The following RNLS variants were observed in gnomAD, a reference collection of about 807,000 sequenced individuals.
The protein encoded by RNLS is renalase.
RNLS carries 39 observed loss-of-function variants against 39.8 expected under a neutral mutation model. The ratio of observed to expected loss-of-function variants is 0.98; its 90% CI spans 0.76 to 1.28. The LOEUF (loss-of-function observed/expected upper bound fraction) is 1.28. Ranked by LOEUF, RNLS falls within the 50% of genes most tolerant of loss-of-function variation. RNLS has a pLI of 0.00. For synonymous variants in RNLS, 147 were observed against 150.7 expected (o/e 0.98, Z 0.18); for missense variants, 410 against 413.3 (o/e 0.99, Z 0.07).
At chr10:88,403,334 C>T (rs1253511926) in intron 4 of RNLS, among the ~76,000 whole-genome samples, 1 of 151,948 alleles carries the variant, frequency 6.6e-6, no homozygotes, top group African/African-American at 2.4e-5. Flanking sequence ...TGAACATTGG[C>T]TGGCTATTTG....
intron 4 of RNLS, among the ~76,000 whole-genome samples, chr10:88,385,917 T>G (rs1365972594): frequency 6.6e-6 from 1 of 152,228 alleles, no homozygotes; most frequent in Admixed American, 6.5e-5. Flanking sequence ...AATTATTACT[T>G]TGATGCAGAG....
intron 6 of RNLS, among the ~76,000 whole-genome samples, chr10:88,288,484 T>A (rs1843440139): frequency 6.6e-6 from 1 of 152,188 alleles, no homozygotes; most frequent in Non-Finnish European, 1.5e-5. Context: ...CATATTCATA[T>A]CTATACATAT....
At chr10:88,449,796 TA>T (rs2133889475) in intron 4 of RNLS, among the ~76,000 whole-genome samples, 1 of 152,254 alleles carries the variant, frequency 6.6e-6, no homozygotes, top group East Asian at 1.9e-4. Context: ...CAAAATATTA[TA>T]AAATAAAATA....
chr10:88,486,311 CAA>C (rs1419778954), intron 4 of RNLS, among the ~76,000 whole-genome samples: 2 of 151,988 alleles, frequency 1.3e-5, no homozygotes, highest in Non-Finnish European at 2.9e-5. Flanking sequence ...TAGGAACAGG[CAA>C]AGATTTCATG....
At chr10:88,506,455 C>T (rs1281513531) in intron 4 of RNLS, among the ~76,000 whole-genome samples, 2 of 151,808 alleles carry the variant, frequency 1.3e-5, no homozygotes, top group Admixed American at 6.6e-5. Context: ...GTGATGCATG[C>T]TGAAGTACTA....
chr10:88,450,027 CT>C lies in RNLS; in HGVS notation c.527-87303del, dbSNP rs199517663. 5.8e-3 allele frequency among the ~76,000 whole-genome samples: 870 copies of C among 150,998 alleles called. 8 individuals carry two copies. Among genetic ancestry groups the C allele is most frequent in the African/African-American group, 0.02 (813 of 41,058 alleles). On this transcript the variant is annotated intron_variant, in intron 4 of 6. Coordinates refer to ENST00000331772, the MANE Select transcript of RNLS (RefSeq NM_001031709.3). ...AGCTCTTGATTTGTAAGAGCTGGGC[CT>C]TTTGGGAGGAAAAAAAAAAAAGATC...
chr10:88,525,023 C>A (rs917244549), intron 4 of RNLS, among the ~76,000 whole-genome samples: 1 of 136,232 alleles, frequency 7.3e-6, no homozygotes, highest in African/African-American at 2.7e-5. Flanking sequence ...ACTATGTACC[C>A]ACAAAAATTA....
intron 4 of RNLS, among the ~76,000 whole-genome samples, chr10:88,493,873 A>G (rs77091615): frequency 6.6e-6 from 1 of 152,324 alleles, no homozygotes; most frequent in African/African-American, 2.4e-5. Flanking sequence ...GGGTTATAAA[A>G]ACATTCCTGA....
chr10:88,322,193 C>T (rs1243306624), intron 5 of RNLS, among the ~76,000 whole-genome samples: 2 of 152,116 alleles, frequency 1.3e-5, no homozygotes, highest in East Asian at 1.9e-4. Context: ...ATATTATTAT[C>T]TCAATAAATG....
At chr10:88,507,408 A>T (rs1367178475) in intron 4 of RNLS, among the ~76,000 whole-genome samples, 2 of 152,156 alleles carry the variant, frequency 1.3e-5, no homozygotes, top group Admixed American at 1.3e-4. Context: ...TAAACAAATC[A>T]ATAAGAAAGT....
intron 4 of RNLS, among the ~76,000 whole-genome samples, chr10:88,441,984 T>G (rs1841739052): frequency 6.6e-6 from 1 of 152,176 alleles, no homozygotes; most frequent in African/African-American, 2.4e-5. Flanking sequence ...CTATCCCCTA[T>G]GGTGATGCCC....
intron 4 of RNLS, among the ~76,000 whole-genome samples, chr10:88,500,462 GGAACACGTGATGGGGTT>G (rs1270098608): frequency 3.9e-5 from 6 of 152,100 alleles, no homozygotes; most frequent in Admixed American, 3.3e-4. Flanking sequence ...CTCTTGTTTA[GGAACACGTGATGGGGTT>G]GTGAACGTTT....
chr10:88,353,215 G>A (rs1317336499), intron 5 of RNLS, among the ~76,000 whole-genome samples: 1 of 151,358 alleles, frequency 6.6e-6, no homozygotes, highest in East Asian at 1.9e-4. Context: ...ATTTAGCTTA[G>A]CTAGCTCTGA....
At chr10:88,213,963 G>C in the RNLS span, among the ~76,000 whole-genome samples, 1 of 152,112 alleles carries the variant, frequency 6.6e-6, no homozygotes, top group Non-Finnish European at 1.5e-5. Flanking sequence ...GGGAATTCAT[G>C]GGCTTACACA....
chr10:88,203,456 GTATATATATA>G, the RNLS span, among the ~76,000 whole-genome samples: 2 of 1,204 alleles, frequency 1.7e-3, 1 homozygote, highest in African/African-American at 9.8e-3. Context: ...GTGTGTGTGT[GTATATATATA>G]TATATATATA....
chr10:88,550,304 T>C (rs1180438744), intron 4 of RNLS, among the ~76,000 whole-genome samples: 2 of 152,214 alleles, frequency 1.3e-5, no homozygotes, highest in African/African-American at 4.8e-5. Flanking sequence ...ACTGATTTTT[T>C]TTCCTTCAAT....
At chr10:88,242,832 A>T in the RNLS span, among the ~76,000 whole-genome samples, 2,689 of 152,292 alleles carry the variant, frequency 0.018, 78 homozygotes, top group African/African-American at 0.06. Flanking sequence ...CTGTAATCCC[A>T]GCTACTTGGG....
At chr10:88,307,285 A>C (rs1344771895) in intron 6 of RNLS, among the ~76,000 whole-genome samples, 3 of 152,026 alleles carry the variant, frequency 2.0e-5, no homozygotes, top group African/African-American at 7.2e-5. Flanking sequence ...CTCTCTCACC[A>C]CTCCTATTCA....
the RNLS span, among the ~76,000 whole-genome samples, chr10:88,206,676 C>T: frequency 3.3e-5 from 5 of 152,246 alleles, no homozygotes; most frequent in Non-Finnish European, 7.4e-5. Flanking sequence ...CGGTAGATTG[C>T]TAATACATCT....
Sources: gnomAD v4.1 joint callset for allele counts (sites outside exome capture counted in the v4.1 genomes callset) on GRCh38, gnomAD v4.1.1 for gene constraint, MANE v1.5 for transcripts, NCBI Gene and HGNC (gene_info 2026-07-23, HGNC 2026-07-21) for gene names.